Variants in OPCML observed in about 807,000 individuals in gnomAD.
OPCML encodes opioid-binding protein/cell adhesion molecule.
Under a neutral mutation model 37.8 loss-of-function variants are expected in OPCML, and 13 were observed. The ratio of observed to expected loss-of-function variants is 0.34; its 90% CI spans 0.22 to 0.55. OPCML has a LOEUF of 0.55. Among genes scored for constraint, OPCML ranks in the 20% least tolerant of loss-of-function variants. The pLI is 0.91. For synonymous variants in OPCML, 176 were observed against 168.8 expected (o/e 1.04, Z -0.33); for missense variants, 341 against 435.6 (o/e 0.78, Z 1.93).
intron 3 of OPCML, among the ~76,000 whole-genome samples, chr11:132,604,477 T>C (rs1938141298): frequency 6.6e-6 from 1 of 152,112 alleles, no homozygotes; most frequent in Non-Finnish European, 1.5e-5. Context: ...CTCACTCCCT[T>C]GTAGAAGTTT....
chr11:133,488,321 A>G (rs1331026562), intron 1 of OPCML, among the ~76,000 whole-genome samples: 1 of 152,156 alleles, frequency 6.6e-6, no homozygotes, highest in African/African-American at 2.4e-5. Flanking sequence ...AAGAAGTCAC[A>G]TTATCCTTGT....
intron 4 of OPCML, among the ~76,000 whole-genome samples, chr11:132,481,867 C>T (rs905749465): frequency 6.7e-6 from 1 of 149,758 alleles, no homozygotes. Flanking sequence ...TTCTTTGAAA[C>T]CAACAAGAAC....
intron 2 of OPCML, among the ~76,000 whole-genome samples, chr11:132,792,117 C>T (rs943298287): frequency 1.3e-5 from 2 of 152,138 alleles, no homozygotes; most frequent in African/African-American, 4.8e-5. Context: ...TATTTCTTTG[C>T]TTTTTGTTTT....
At chr11:132,710,387 G>A (rs539749196) in intron 2 of OPCML, among the ~76,000 whole-genome samples, 1 of 152,202 alleles carries the variant, frequency 6.6e-6, no homozygotes, top group African/African-American at 2.4e-5. Context: ...TAATCAATAA[G>A]TAAAGTACCT....
At chr11:133,353,545 G>A (rs374218089) in intron 1 of OPCML, among the ~76,000 whole-genome samples, 1 of 152,176 alleles carries the variant, frequency 6.6e-6, no homozygotes, top group Admixed American at 6.5e-5. Context: ...TGGTCTCCAT[G>A]TTGATGGGGG....
chr11:133,261,474 C>A (rs1198702485), intron 1 of OPCML, among the ~76,000 whole-genome samples: 1 of 151,994 alleles, frequency 6.6e-6, no homozygotes, highest in Non-Finnish European at 1.5e-5. Context: ...GTGAGGCTGG[C>A]ACATGGTCTG....
At chr11:133,299,521 T>C (rs1193604753) in intron 1 of OPCML, 2 of 152,210 alleles carry the variant, frequency 1.3e-5, no homozygotes, top group African/African-American at 4.8e-5. Context: ...CAAGAACAAG[T>C]GCCCAATCAC....
At chr11:133,509,669 T>C (rs1397874385) in intron 1 of OPCML, among the ~76,000 whole-genome samples, 1 of 152,144 alleles carries the variant, frequency 6.6e-6, no homozygotes, top group Non-Finnish European at 1.5e-5. Context: ...GCAGAAACAC[T>C]AAGTTCCAGA....
chr11:133,516,742 T>C (rs1948283223), intron 1 of OPCML, among the ~76,000 whole-genome samples: 1 of 151,924 alleles, frequency 6.6e-6, no homozygotes. Flanking sequence ...AGATGGAGAG[T>C]TACGAGCCAC....
At chr11:132,475,765 T>C (rs1270480451) in intron 4 of OPCML, among the ~76,000 whole-genome samples, 2 of 152,314 alleles carry the variant, frequency 1.3e-5, no homozygotes, top group African/African-American at 4.8e-5. Context: ...CCCAAACTAA[T>C]AATACACCTC....
chr11:133,005,733 TA>T (rs910054170), intron 1 of OPCML: 8 of 979,478 alleles, frequency 8.2e-6, no homozygotes, highest in Non-Finnish European at 9.7e-6. Context: ...TAATTCTTTT[TA>T]AAAAGCTTTT....
In OPCML at chr11:133,383,709, T is replaced by A. The variant is rs1425181527; in HGVS notation, c.61+148555A>T. 2.0e-5 allele frequency among the ~76,000 whole-genome samples: 3 copies of A among 152,162 alleles called. No homozygotes were observed. In the East Asian group the frequency reaches 5.8e-4, roughly 29 times the overall value. On this transcript the variant is annotated intron_variant, in intron 1 of 7. Transcript: ENST00000524381. Reference sequence around the variant, plus strand: ...AAGCATCAGACAAATAAACATCATTTGAGGTTTTTAATAGGAGATCAGTAA... The same window carrying A: ...AAGCATCAGACAAATAAACATCATTAGAGGTTTTTAATAGGAGATCAGTAA...
At chr11:133,157,883 C>T (rs181554383) in intron 1 of OPCML, among the ~76,000 whole-genome samples, 33 of 152,312 alleles carry the variant, frequency 2.2e-4, no homozygotes, top group Non-Finnish European at 8.8e-5. Context: ...AAAAAATGCA[C>T]ATCTCCAAAA....
intron 1 of OPCML, among the ~76,000 whole-genome samples, chr11:133,429,974 G>A (rs2136914204): frequency 6.6e-6 from 1 of 152,290 alleles, no homozygotes; most frequent in South Asian, 2.1e-4. Flanking sequence ...TGGAAGCGGG[G>A]TAGAAGTGAG....
At chr11:132,720,366 C>T (rs1172259129) in intron 2 of OPCML, among the ~76,000 whole-genome samples, 1 of 152,196 alleles carries the variant, frequency 6.6e-6, no homozygotes, top group Non-Finnish European at 1.5e-5. Flanking sequence ...CCTCCTATGG[C>T]CTGCCTCAGC....
intron 1 of OPCML, among the ~76,000 whole-genome samples, chr11:133,467,617 A>T (rs2136999043): frequency 6.6e-6 from 1 of 152,294 alleles, no homozygotes; most frequent in Non-Finnish European, 1.5e-5. Flanking sequence ...CCCTCACTCC[A>T]TGGCAGGTTC....
At chr11:132,741,420 C>T (rs955513465) in intron 2 of OPCML, among the ~76,000 whole-genome samples, 1 of 152,100 alleles carries the variant, frequency 6.6e-6, no homozygotes, top group African/African-American at 2.4e-5. Context: ...GAGAATCATA[C>T]AGACATGAGC....
At chr11:133,337,571 G>A (rs1165223769) in intron 1 of OPCML, among the ~76,000 whole-genome samples, 1 of 152,134 alleles carries the variant, frequency 6.6e-6, no homozygotes, top group East Asian at 1.9e-4. Flanking sequence ...CTGCTGCTGT[G>A]GGAAGAAGCC....
chr11:132,631,538 C>A (rs1400806214), intron 3 of OPCML, among the ~76,000 whole-genome samples: 4 of 151,074 alleles, frequency 2.6e-5, no homozygotes, highest in Admixed American at 2.0e-4. Context: ...CGGCTCACTG[C>A]AAGCTCCGCC....
Sources: allele counts gnomAD v4.1 joint callset (sites outside exome capture counted in the v4.1 genomes callset), GRCh38; gene constraint gnomAD v4.1.1; transcripts MANE v1.5; gene names NCBI Gene and HGNC (gene_info 2026-07-23, HGNC 2026-07-21).